Variants in SHLD1 observed in about 807,000 individuals in gnomAD.
SHLD1 encodes shieldin complex subunit 1.
SHLD1 carries 3 observed loss-of-function variants against 5.5 expected under a neutral mutation model. The observed-to-expected ratio is 0.54, with a 90% confidence interval of 0.25 to 1.40. SHLD1 has a LOEUF of 1.40. Among genes scored for constraint, SHLD1 ranks in the 40% most tolerant of loss-of-function variants. SHLD1 has a pLI of 0.15. For synonymous variants in SHLD1, 92 were observed against 94.3 expected (o/e 0.98, Z 0.14); for missense variants, 210 against 244.4 (o/e 0.86, Z 0.94).
At chr20:5,792,238 G>A (rs1380823698) in intron 2 of SHLD1, among the ~76,000 whole-genome samples, 3 of 152,060 alleles carry the variant, frequency 2.0e-5, no homozygotes, top group East Asian at 3.9e-4. Context: ...CTGTACTTTC[G>A]GTGTCATGTC....
intron 2 of SHLD1, among the ~76,000 whole-genome samples, chr20:5,845,692 G>C (rs960234668): frequency 4.6e-5 from 7 of 152,090 alleles, no homozygotes; most frequent in African/African-American, 1.4e-4. Flanking sequence ...ATGTTATCCT[G>C]CTTGATCACC....
chr20:5,772,915 C>T lies in SHLD1; in HGVS notation c.50C>T (p.Ala17Val). The change falls in exon 2 of 3, where the codon GCT becomes GTT. Residue 17 changes from alanine to valine, a missense_variant. Coordinates refer to ENST00000303142, the MANE Select transcript of SHLD1 (RefSeq NM_152504.4). ...TSGSLSEESS[A>V]LDLPSACDIR... ...GGCAGCCTGTCAGAGGAGAGCAGTG[C>T]TTTGGACCTGCCATCAGCGTGTGAC... is the stretch of plus-strand genomic sequence containing the variant. The T allele has an allele frequency of 6.2e-7, 1 of 1,614,160 alleles. No individual in the cohort carries two copies.
At chr20:5,824,945 C>T (rs2087649460) in intron 2 of SHLD1, among the ~76,000 whole-genome samples, 1 of 152,200 alleles carries the variant, frequency 6.6e-6, no homozygotes, top group Admixed American at 6.5e-5. Context: ...CTTAGCTAAA[C>T]CATGTCCTTT....
At chr20:5,856,498 A>G (rs763092620) in intron 2 of SHLD1, among the ~76,000 whole-genome samples, 4 of 150,146 alleles carry the variant, frequency 2.7e-5, no homozygotes, top group Admixed American at 6.6e-5. Context: ...AGGAGAAAAA[A>G]GTGAGGCGTG....
At chr20:5,762,658 C>T (rs1984530849) in intron 1 of SHLD1, among the ~76,000 whole-genome samples, 1 of 151,978 alleles carries the variant, frequency 6.6e-6, no homozygotes, top group South Asian at 2.1e-4. Flanking sequence ...ATGAAGGCAG[C>T]AGACTGTGAA....
At chr20:5,761,611 CTT>C (rs5840103) in intron 1 of SHLD1, among the ~76,000 whole-genome samples, 7 of 139,564 alleles carry the variant, frequency 5.0e-5, no homozygotes, top group Admixed American at 1.5e-4. Context: ...GTCTTAATTT[CTT>C]TTTTTTTTTT....
chr20:5,817,432 C>CTCTCTCTGTGTGTG (rs1473391202), intron 2 of SHLD1, among the ~76,000 whole-genome samples: 8 of 85,664 alleles, frequency 9.3e-5, no homozygotes, highest in African/African-American at 3.9e-4. Context: ...CTCTCTCTCT[C>CTCTCTCTGTGTGTG]TGTGTGTGTG....
chr20:5,760,972 G>A (rs983582923), intron 1 of SHLD1, among the ~76,000 whole-genome samples: 3 of 152,036 alleles, frequency 2.0e-5, no homozygotes, highest in East Asian at 1.9e-4. Flanking sequence ...TTTGCCAAAG[G>A]GGTGTGATGA....
intron 2 of SHLD1, among the ~76,000 whole-genome samples, chr20:5,810,258 G>GAA (rs113215634): frequency 2.8e-5 from 4 of 143,760 alleles, no homozygotes; most frequent in East Asian, 2.0e-4. Context: ...CTCTGTCTCG[G>GAA]AAAAAAAAAA....
At chr20:5,754,341 G>A (rs1983939048) in intron 1 of SHLD1, among the ~76,000 whole-genome samples, 1 of 152,004 alleles carries the variant, frequency 6.6e-6, no homozygotes, top group Non-Finnish European at 1.5e-5. Flanking sequence ...GAACTCCTGG[G>A]CTTAAGTGAT....
At chr20:5,754,302 G>C (rs1271700205) in intron 1 of SHLD1, among the ~76,000 whole-genome samples, 6 of 151,986 alleles carry the variant, frequency 3.9e-5, no homozygotes, top group Non-Finnish European at 4.4e-5. Context: ...GTAGAGTCGG[G>C]TTTTCACCAT....
At chr20:5,827,341 A>G (rs1394565623) in intron 2 of SHLD1, among the ~76,000 whole-genome samples, 2 of 152,076 alleles carry the variant, frequency 1.3e-5, no homozygotes, top group Non-Finnish European at 2.9e-5. Flanking sequence ...TTGGCTCCCA[A>G]CCCGAAGCTG....
At chr20:5,817,913 C>T (rs1363010915) in intron 2 of SHLD1, among the ~76,000 whole-genome samples, 1 of 152,164 alleles carries the variant, frequency 6.6e-6, no homozygotes, top group Non-Finnish European at 1.5e-5. Context: ...CTTCCCTGCG[C>T]TGTGGTCTAG....
chr20:5,788,813 T>C (rs1272958566), intron 2 of SHLD1, among the ~76,000 whole-genome samples: 2 of 152,234 alleles, frequency 1.3e-5, no homozygotes, highest in African/African-American at 2.4e-5. Context: ...GATTTCAGGC[T>C]AGAATACACA....
In SHLD1 at chr20:5,826,106, T is replaced by C. The variant is rs558394003; in HGVS notation, c.179-36918T>C. 3.9e-5 allele frequency among the ~76,000 whole-genome samples: 6 copies of C among 152,362 alleles called. No individual in the cohort carries two copies. In the South Asian group the frequency reaches 1.2e-3, roughly 32 times the overall value. On this transcript the variant is annotated intron_variant, in intron 2 of 2. Coordinates refer to ENST00000303142, the MANE Select transcript of SHLD1 (RefSeq NM_152504.4). ...GTTCTCTACCATCAGTGGGTGTGAA[T>C]ACGACTGCAGGTTATTTTTCTGTGC...
chr20:5,758,430 T>A (rs1362592788), intron 1 of SHLD1, among the ~76,000 whole-genome samples: 17 of 151,058 alleles, frequency 1.1e-4, no homozygotes, highest in South Asian at 2.1e-4. Flanking sequence ...TTTATATTTT[T>A]TTTTTTTAGA....
intron 2 of SHLD1, among the ~76,000 whole-genome samples, chr20:5,817,492 C>T (rs1052517840): frequency 7.0e-6 from 1 of 142,284 alleles, no homozygotes; most frequent in Non-Finnish European, 1.5e-5. Context: ...CAGGCGTGAG[C>T]CACTGCATCC....
intron 1 of SHLD1, among the ~76,000 whole-genome samples, chr20:5,760,867 A>G (rs1984422722): frequency 6.6e-6 from 1 of 152,116 alleles, no homozygotes; most frequent in Non-Finnish European, 1.5e-5. Context: ...AGCCTGTTTC[A>G]GGTTGACACT....
intron 2 of SHLD1, among the ~76,000 whole-genome samples, chr20:5,777,600 T>A (rs1170381190): frequency 4.1e-5 from 3 of 72,406 alleles, no homozygotes; most frequent in African/African-American, 1.1e-4. Context: ...AAAAAAATTT[T>A]ATTTTTTTTT....
Sources: allele counts gnomAD v4.1 joint callset (sites outside exome capture counted in the v4.1 genomes callset), GRCh38; gene constraint gnomAD v4.1.1; transcripts MANE v1.5; gene names NCBI Gene and HGNC (gene_info 2026-07-23, HGNC 2026-07-21).